GNAL: variants seen among roughly 807,000 people sequenced by gnomAD.
GNAL encodes the protein G protein subunit alpha L.
GNAL carries 18 observed loss-of-function variants against 55.1 expected under a neutral mutation model. That is an observed-to-expected ratio of 0.33 (90% confidence interval 0.23 to 0.48). GNAL has a LOEUF of 0.48. Among genes scored for constraint, GNAL ranks in the 20% least tolerant of loss-of-function variants. GNAL has a pLI of 0.99. For synonymous variants in GNAL, 253 were observed against 237.0 expected, an observed-to-expected ratio of 1.07 and a Z score of -0.62; for missense variants, 412 against 614.1, an observed-to-expected ratio of 0.67 and a Z score of 3.48.
intron 4 of GNAL, among the ~76,000 whole-genome samples, chr18:11,771,715 T>C (rs1479310629): frequency 1.3e-5 from 2 of 151,420 alleles, no homozygotes; most frequent in East Asian, 2.0e-4. Context: ...GCAAATTTTT[T>C]TGTTGTTTGT....
At chr18:11,729,284 C>T (rs564209382) in intron 1 of GNAL, among the ~76,000 whole-genome samples, 8 of 152,166 alleles carry the variant, frequency 5.3e-5, no homozygotes, top group East Asian at 1.9e-4. Flanking sequence ...GTGGTCTTAG[C>T]GCTCCTCTTG....
intron 1 of GNAL, among the ~76,000 whole-genome samples, chr18:11,712,827 T>C (rs2031869562): frequency 6.6e-6 from 1 of 152,210 alleles, no homozygotes; most frequent in South Asian, 2.1e-4. Context: ...TTGCTCGTAG[T>C]AGCTGCCTTT....
Position 11,884,246 on chromosome 18 carries a change from A to C in GNAL, c.*3111A>C. The C allele has an allele frequency of 3.5e-6, 2 of 563,426 alleles. No homozygotes were observed. The highest frequency in any genetic ancestry group is 4.7e-5 in the South Asian group (2 of 42,656). 34.9% of individuals were successfully genotyped at this position (563,426 alleles called of 1,614,324 possible). On this transcript the variant is annotated 3_prime_UTR_variant, in exon 12 of 12. Transcript: ENST00000334049. ...AAAAATGAGAAAACAGATTTGTTGT[A>C]GAGTACCTGTCCACTTTTATAGCAT...
rs546832250 is a variant in GNAL at position 11,881,163 on chromosome 18, C to T, written c.*28C>T. On this transcript the variant is annotated 3_prime_UTR_variant, in exon 12 of 12. Transcript: ENST00000334049. The surrounding 1 kb of genome is among the most constrained non-coding windows in gnomAD (Gnocchi z 4.8). ...ATGCTGCCGCCACCCTGCGACGGAG[C>T]GGCGCCCCGGACTGCCTGACTGCCA... The T allele has an allele frequency of 1.7e-4, 267 of 1,578,630 alleles. 3 individuals are homozygous for T. The South Asian group carries it at 1.9e-3, about 11-fold the overall frequency.
chr18:11,864,362 G>C (rs1270634837), intron 6 of GNAL, among the ~76,000 whole-genome samples, 171 bp from the exon 7 acceptor site: 1 of 152,032 alleles, frequency 6.6e-6, no homozygotes, highest in Non-Finnish European at 1.5e-5. Flanking sequence ...CAAAGTGCTG[G>C]GATTACAGGC....
chr18:11,697,206 G>A lies in GNAL; in HGVS notation c.376+7267G>A, dbSNP rs555272928. Among the ~76,000 whole-genome samples the A allele has an allele frequency of 1.2e-3, 177 of 152,360 alleles. 1 individual carries two copies. The highest frequency in any genetic ancestry group is 4.1e-3 in the African/African-American group (169 of 41,592). ...CTTCGCCAAACATTAGCCAGTGACTGTGAGGCCAGCTGGAGGCAGCTGCAA... is the reference window on the plus strand; with the variant it reads ...CTTCGCCAAACATTAGCCAGTGACTATGAGGCCAGCTGGAGGCAGCTGCAA... On this transcript the variant is annotated intron_variant, in intron 1 of 11. Transcript: ENST00000334049.
chr18:11,690,009 C>A, intron 1 of GNAL, 70 bp downstream of exon 1: 1 of 949,356 alleles, frequency 1.1e-6, no homozygotes, highest in Non-Finnish European at 1.3e-6. Flanking sequence ...GCGGCGGGCA[C>A]CGGGGAGCGG....
At chr18:11,732,365 C>G (rs2032358757) in intron 1 of GNAL, among the ~76,000 whole-genome samples, 1 of 152,174 alleles carries the variant, frequency 6.6e-6, no homozygotes, top group Non-Finnish European at 1.5e-5. Context: ...TTGTAGCCAT[C>G]CTAGTGGATG....
At chr18:11,876,481 G>A in intron 10 of GNAL, 140 bp from the exon 11 acceptor site, 1 of 646,146 alleles carries the variant, frequency 1.5e-6, no homozygotes. Context: ...AAAAGTACAT[G>A]TTTGTTTTTG....
rs1243769126 is a variant in GNAL, at chr18:11,716,706, C to G, written c.376+26767C>G. ...GTTCTCCAAGTACCCACCAGAGTAG[C>G]TAGATACAGAGTGTCGATTGGTGCA... On this transcript the variant is annotated intron_variant, in intron 1 of 11. Coordinates refer to ENST00000334049, the MANE Select transcript of GNAL (RefSeq NM_182978.4). Among the ~76,000 whole-genome samples, 3 of 152,208 alleles carry G rather than the reference C, an allele frequency of 2.0e-5. No individual in the cohort carries two copies. The East Asian group carries it at 5.8e-4, about 29-fold the overall frequency.
At chr18:11,690,669 C>T (rs1425071044) in intron 1 of GNAL, among the ~76,000 whole-genome samples, 3 of 137,632 alleles carry the variant, frequency 2.2e-5, no homozygotes, top group Non-Finnish European at 4.6e-5. Flanking sequence ...TCCATGTGTT[C>T]TCATTGTTCA....
intron 5 of GNAL, chr18:11,857,497 G>T: frequency 1.0e-6 from 1 of 985,480 alleles, no homozygotes. Context: ...CACATTAAAA[G>T]TGTGGACTTT....
chr18:11,780,704 A>G (rs956182524), intron 4 of GNAL, among the ~76,000 whole-genome samples: 1 of 152,198 alleles, frequency 6.6e-6, no homozygotes, highest in African/African-American at 2.4e-5. Context: ...ATTAATACCA[A>G]ACTCATGGAG....
chr18:11,768,923 A>G (rs2033508323), intron 4 of GNAL, among the ~76,000 whole-genome samples: 1 of 133,964 alleles, frequency 7.5e-6, no homozygotes, highest in Non-Finnish European at 1.6e-5. Context: ...TATATAACAT[A>G]TTATTATATA....
intron 1 of GNAL, among the ~76,000 whole-genome samples, chr18:11,720,363 A>G (rs1468494448): frequency 2.6e-5 from 4 of 152,246 alleles, no homozygotes; most frequent in African/African-American, 9.6e-5. Flanking sequence ...AAAGAATGCA[A>G]CTGTTTTGGG....
At chr18:11,773,027 C>A (rs2033679396) in intron 4 of GNAL, among the ~76,000 whole-genome samples, 1 of 152,214 alleles carries the variant, frequency 6.6e-6, no homozygotes, top group Non-Finnish European at 1.5e-5. Flanking sequence ...AGGTCTGCAC[C>A]TGCCTTTGTG....
intron 1 of GNAL, among the ~76,000 whole-genome samples, chr18:11,739,905 A>G (rs2032539715): frequency 6.6e-6 from 1 of 150,834 alleles, no homozygotes; most frequent in Non-Finnish European, 1.5e-5. Context: ...CTTTAAGACC[A>G]TACAGCCCTC....
At chr18:11,854,627 T>C (rs1384062824) in intron 5 of GNAL, among the ~76,000 whole-genome samples, 1 of 151,746 alleles carries the variant, frequency 6.6e-6, no homozygotes, top group Non-Finnish European at 1.5e-5. Context: ...ACTAAAAATA[T>C]GAAATTAGCT....
At chr18:11,741,667 G>A (rs368518332) in intron 1 of GNAL, among the ~76,000 whole-genome samples, 7 of 152,142 alleles carry the variant, frequency 4.6e-5, no homozygotes, top group Admixed American at 1.3e-4. Flanking sequence ...ATGAACATGC[G>A]TTGCTTTAAA....
Sources: gnomAD v4.1 joint callset for allele counts (sites outside exome capture counted in the v4.1 genomes callset) on GRCh38, gnomAD v4.1.1 for gene constraint, Gnocchi (gnomAD v3.1) non-coding constraint, MANE v1.5 for transcripts, NCBI Gene and HGNC (gene_info 2026-07-23, HGNC 2026-07-21) for gene names.